Variants in GCA observed in about 807,000 individuals in gnomAD.
The protein encoded by GCA is grancalcin, also known as grancalcin, EF-hand calcium-binding protein.
Under a neutral mutation model 32.6 loss-of-function variants are expected in GCA, and 30 were observed. That is an observed-to-expected ratio of 0.92 (90% confidence interval 0.69 to 1.25). GCA has a LOEUF of 1.25. Ranked by LOEUF, GCA falls within the 50% of genes most tolerant of loss-of-function variation. GCA has a pLI of 0.00. For synonymous variants in GCA, 102 were observed against 84.6 expected (o/e 1.21, Z -1.13); for missense variants, 291 against 266.8 (o/e 1.09, Z -0.63).
chr2:162,346,234 C>G (rs528867364), intron 1 of GCA, among the ~76,000 whole-genome samples: 1 of 152,232 alleles, frequency 6.6e-6, no homozygotes, highest in African/African-American at 2.4e-5. Context: ...ACATTTTAAG[C>G]ACAGAAAACT....
chr2:162,322,601 C>A (rs1312376411), intron 1 of GCA, among the ~76,000 whole-genome samples: 4 of 136,560 alleles, frequency 2.9e-5, no homozygotes, highest in African/African-American at 1.1e-4. Context: ...TGTTCTCCTT[C>A]CTGTGTCCAT....
chr2:162,367,011 C>G (rs1000651716), downstream of GCA, among the ~76,000 whole-genome samples: 24 of 151,928 alleles, frequency 1.6e-4, no homozygotes, highest in Non-Finnish European at 2.8e-4. Context: ...GCACAAATCA[C>G]ACACAGATTT....
downstream of GCA, chr2:162,373,598 C>T (rs1225574262): frequency 1.3e-5 from 20 of 1,574,028 alleles, no homozygotes; most frequent in Non-Finnish European, 1.7e-5. Flanking sequence ...GGGGGGACCA[C>T]AGTGGTTTGT....
chr2:162,364,523 T>G (rs1334513040), downstream of GCA, among the ~76,000 whole-genome samples: 1 of 151,552 alleles, frequency 6.6e-6, no homozygotes, highest in Non-Finnish European at 1.5e-5. Flanking sequence ...CCAATACAAT[T>G]TTTTCTGCTA....
upstream of GCA, among the ~76,000 whole-genome samples, chr2:162,342,781 C>G (rs1451099998): frequency 6.6e-6 from 1 of 152,190 alleles, no homozygotes; most frequent in Non-Finnish European, 1.5e-5. Flanking sequence ...CTAAGCAGTT[C>G]TTTGAATATG....
intron 1 of GCA, 78 bp downstream of exon 1, chr2:162,344,353 C>T: frequency 7.1e-7 from 1 of 1,410,912 alleles, no homozygotes; most frequent in Non-Finnish European, 9.9e-7. Context: ...ACGTGCGGGT[C>T]CGCCCTTGGC....
At chr2:162,353,848 C>T (rs188086598) in intron 3 of GCA, among the ~76,000 whole-genome samples, 9 of 152,040 alleles carry the variant, frequency 5.9e-5, no homozygotes, top group Non-Finnish European at 1.3e-4. Flanking sequence ...TCTTGGAATG[C>T]TTTTTGTTTT....
downstream of GCA, among the ~76,000 whole-genome samples, chr2:162,365,862 G>A (rs1685734793): frequency 6.6e-6 from 1 of 151,440 alleles, no homozygotes; most frequent in Non-Finnish European, 1.5e-5. Context: ...ATAAATAAAG[G>A]GGCATTTGAG....
chr2:162,344,313 C>A (rs779314338), intron 1 of GCA, 38 bp downstream of exon 1: 1 of 1,604,278 alleles, frequency 6.2e-7, no homozygotes, highest in Non-Finnish European at 8.5e-7. Context: ...CTCTTCCTCG[C>A]GGGGTGTGGC....
In GCA at chr2:162,356,472, C is replaced by T. The variant is rs1425313300; in HGVS notation, c.297C>T (p.Ala99=). The T allele has an allele frequency of 2.6e-6, 4 of 1,566,136 alleles. No individual in the cohort carries two copies. Among genetic ancestry groups the T allele is most frequent in the Non-Finnish European group, 3.5e-6 (4 of 1,137,172 alleles). ...FSLETCRIMI[A]MLDRDHTGKM... ...TGGAAACCTGCAGAATTATGATTGC[C>T]ATGTTGGATGTATCCTTGAATAGAA... The change falls in exon 4 of 8, where the codon GCC becomes GCT. Residue 99 remains alanine, a synonymous_variant. Coordinates refer to ENST00000437150, the MANE Select transcript of GCA (RefSeq NM_012198.5).
intron 1 of GCA, among the ~76,000 whole-genome samples, chr2:162,325,460 T>A (rs1325432809): frequency 6.6e-6 from 1 of 152,214 alleles, no homozygotes; most frequent in East Asian, 1.9e-4. Context: ...TAGGATTAGT[T>A]GCCCCTTGAC....
chr2:162,355,297 A>G (rs1285598495), intron 3 of GCA, among the ~76,000 whole-genome samples: 1 of 152,156 alleles, frequency 6.6e-6, no homozygotes. Flanking sequence ...CAATTTGAAA[A>G]TACTACAACC....
downstream of GCA, chr2:162,371,800 T>C: frequency 3.2e-6 from 5 of 1,583,168 alleles, no homozygotes; most frequent in Non-Finnish European, 3.5e-6. Flanking sequence ...AGCACTTACA[T>C]TGTATGTGGA....
chr2:162,361,434 A>AT lies in GCA; in HGVS notation c.*1195dup. On this transcript the variant is annotated 3_prime_UTR_variant, in exon 8 of 8. Coordinates refer to ENST00000437150, the MANE Select transcript of GCA (RefSeq NM_012198.5). Reference sequence around the variant, plus strand: ...TATTTTTCTTATGCTTTAAATGTGTATTTTCTAACCTAACAGTGAGTGACA... The same window carrying AT: ...TATTTTTCTTATGCTTTAAATGTGTATTTTTCTAACCTAACAGTGAGTGACA... 1.0e-6 allele frequency: 1 copy of AT among 978,708 alleles called. No individual in the cohort carries two copies. The highest frequency in any genetic ancestry group is 1.2e-6 in the Non-Finnish European group (1 of 824,046). 60.6% of individuals were successfully genotyped at this position (978,708 alleles called of 1,614,324 possible).
chr2:162,323,430 A>G (rs1398284010), intron 1 of GCA, among the ~76,000 whole-genome samples: 4 of 151,722 alleles, frequency 2.6e-5, no homozygotes, highest in Non-Finnish European at 5.9e-5. Flanking sequence ...CCGTTTGTCA[A>G]TTTTGGCTTT....
At chr2:162,351,298 C>G (rs987486224) in intron 2 of GCA, among the ~76,000 whole-genome samples, 1 of 152,180 alleles carries the variant, frequency 6.6e-6, no homozygotes, top group Non-Finnish European at 1.5e-5. Flanking sequence ...TAAGTGGAGA[C>G]TCAAATTGAG....
chr2:162,356,760 A>G lies in GCA; in HGVS notation c.309A>G (p.Arg103=). Residue 103 remains arginine, a splice_region_variant and synonymous_variant, in exon 5 of 8, where the codon AGA becomes AGG. Transcript: ENST00000437150. The stretch of plus-strand genomic sequence containing the variant: ...ATTTTTGTTAATAAAACTATCAGAG[A>G]GATCACACAGGAAAAATGGGATTTA... ...TCRIMIAMLD[R]DHTGKMGFNA... 2 of 1,600,434 alleles carry G rather than the reference A, an allele frequency of 1.2e-6. No homozygotes were observed. Among genetic ancestry groups the G allele is most frequent in the Non-Finnish European group, 1.7e-6 (2 of 1,171,324 alleles).
rs1558898554 is a variant in GCA, at chr2:162,352,333, A to C, written c.193-5A>C. ...TTAAATTAGGTCATAATTATTTTTA[A>C]ACAGGATGGTGAAGTGGATGCTGAA... On this transcript the variant is annotated splice_region_variant and splice_polypyrimidine_tract_variant and intron_variant, in intron 2 of 7. Coordinates refer to ENST00000437150, the MANE Select transcript of GCA (RefSeq NM_012198.5). The C allele has an allele frequency of 1.3e-6, 2 of 1,539,324 alleles. No individual in the cohort carries two copies. The highest frequency in any genetic ancestry group is 2.7e-5 in the African/African-American group (2 of 73,398).
intron 4 of GCA, 123 bp downstream of exon 4, chr2:162,356,604 C>G: frequency 1.2e-6 from 1 of 860,734 alleles, no homozygotes; most frequent in Non-Finnish European, 1.9e-6. Flanking sequence ...TTGTAAGATC[C>G]TGTTTAAATT....
Sources: gnomAD v4.1 joint callset for allele counts (sites outside exome capture counted in the v4.1 genomes callset) on GRCh38, gnomAD v4.1.1 for gene constraint, MANE v1.5 for transcripts, NCBI Gene and HGNC (gene_info 2026-07-23, HGNC 2026-07-21) for gene names.